PLCB4: variants seen among roughly 807,000 people sequenced by gnomAD.
PLCB4 encodes the protein 1-phosphatidylinositol 4,5-bisphosphate phosphodiesterase beta-4.
Under a neutral mutation model 178.8 loss-of-function variants are expected in PLCB4, and 77 were observed. That is an observed-to-expected ratio of 0.43 (90% CI 0.36 to 0.52). PLCB4 has a LOEUF of 0.52. Ranked by LOEUF, PLCB4 falls within the 20% of genes least tolerant of loss-of-function variation. PLCB4 has a pLI of 0.00. For missense variants in PLCB4, 1,024 were observed against 1,453.4 expected, an observed-to-expected ratio of 0.70 and a Z score of 4.80; for synonymous variants, 496 against 490.8, an observed-to-expected ratio of 1.01 and a Z score of -0.14.
chr20:9,241,344 T>G (rs2147414561), intron 3 of PLCB4, among the ~76,000 whole-genome samples: 1 of 152,026 alleles, frequency 6.6e-6, no homozygotes, highest in South Asian at 2.1e-4. Flanking sequence ...TCATTTTCTT[T>G]TATTCCTCTG....
At chr20:9,413,366 A>G (rs2039994858) in intron 25 of PLCB4, among the ~76,000 whole-genome samples, 1 of 150,012 alleles carries the variant, frequency 6.7e-6, no homozygotes, top group Non-Finnish European at 1.5e-5. Flanking sequence ...GAATCCCAGC[A>G]CTTTGGGAGG....
At chr20:9,148,673 C>G (rs1034060411) in intron 2 of PLCB4, among the ~76,000 whole-genome samples, 1 of 152,084 alleles carries the variant, frequency 6.6e-6, no homozygotes, top group African/African-American at 2.4e-5. Context: ...GAATAGCTGG[C>G]ACATTAACAC....
intron 2 of PLCB4, among the ~76,000 whole-genome samples, chr20:9,157,327 C>G (rs757411274): frequency 1.3e-5 from 2 of 151,952 alleles, no homozygotes; most frequent in African/African-American, 4.8e-5. Flanking sequence ...AACAAAAAGT[C>G]ATTTACTGTG....
chr20:9,226,724 C>T (rs933554431), intron 3 of PLCB4, among the ~76,000 whole-genome samples: 4 of 152,040 alleles, frequency 2.6e-5, no homozygotes. Flanking sequence ...CTTATTCCTC[C>T]TCTTCTGTGG....
At chr20:9,273,851 GA>G (rs2094428653) in intron 3 of PLCB4, among the ~76,000 whole-genome samples, 1 of 152,044 alleles carries the variant, frequency 6.6e-6, no homozygotes, top group African/African-American at 2.4e-5. Context: ...CAGGTAACAT[GA>G]TAAAACTTAC....
intron 38 of PLCB4, among the ~76,000 whole-genome samples, chr20:9,474,477 A>G (rs1480804512): frequency 6.6e-6 from 1 of 152,204 alleles, no homozygotes; most frequent in African/African-American, 2.4e-5. Context: ...TAGTTGGTAT[A>G]GAAGTTATTA....
chr20:9,308,664 T>C (rs540247740), intron 4 of PLCB4, among the ~76,000 whole-genome samples: 1 of 152,324 alleles, frequency 6.6e-6, no homozygotes, highest in African/African-American at 2.4e-5. Flanking sequence ...GCTAATTCGC[T>C]GATCTTCCCA....
At chr20:9,101,866 A>T (rs1261326155) in intron 2 of PLCB4, among the ~76,000 whole-genome samples, 4 of 142,108 alleles carry the variant, frequency 2.8e-5, no homozygotes, top group African/African-American at 5.2e-5. Flanking sequence ...TTTTTTTGAG[A>T]TGGAGTTTTG....
At chr20:9,192,129 A>G (rs190289772) in intron 2 of PLCB4, among the ~76,000 whole-genome samples, 14 of 152,116 alleles carry the variant, frequency 9.2e-5, no homozygotes, top group Non-Finnish European at 4.4e-5. Context: ...CAACAAGGTA[A>G]TTGCAGTCTT....
chr20:9,356,960 A>G (rs1426229828), intron 7 of PLCB4, among the ~76,000 whole-genome samples: 1 of 152,056 alleles, frequency 6.6e-6, no homozygotes, highest in Non-Finnish European at 1.5e-5. Context: ...TGCAAAAAAT[A>G]CCAAAATTGG....
At chr20:9,285,394 G>A (rs1373375102) in intron 3 of PLCB4, among the ~76,000 whole-genome samples, 1 of 151,654 alleles carries the variant, frequency 6.6e-6, no homozygotes, top group Non-Finnish European at 1.5e-5. Flanking sequence ...TACTTTCTGT[G>A]GCCTTTAGTA....
intron 32 of PLCB4, among the ~76,000 whole-genome samples, chr20:9,452,607 C>A (rs1374681760): frequency 2.0e-5 from 3 of 152,064 alleles, no homozygotes; most frequent in Non-Finnish European, 4.4e-5. Context: ...TTTTCATTGT[C>A]CAGGAAGAAA....
intron 2 of PLCB4, among the ~76,000 whole-genome samples, chr20:9,188,764 T>C (rs67505187): frequency 3.4e-4 from 41 of 121,568 alleles, no homozygotes; most frequent in East Asian, 7.7e-4. Flanking sequence ...GGCTGTCATA[T>C]AGTGACATTC....
intron 3 of PLCB4, among the ~76,000 whole-genome samples, chr20:9,263,542 TA>T (rs1257368838): frequency 6.6e-6 from 1 of 152,190 alleles, no homozygotes; most frequent in Non-Finnish European, 1.5e-5. Flanking sequence ...GATACCCTGA[TA>T]ATTGTAGAGC....
At chr20:9,345,883 G>A (rs1010690974) in intron 7 of PLCB4, among the ~76,000 whole-genome samples, 3 of 152,102 alleles carry the variant, frequency 2.0e-5, no homozygotes, top group Non-Finnish European at 2.9e-5. Context: ...AGTCAAAATT[G>A]CTTTGCTAAA....
chr20:9,141,754 G>A (rs558304357), intron 2 of PLCB4, among the ~76,000 whole-genome samples: 18 of 152,148 alleles, frequency 1.2e-4, no homozygotes, highest in African/African-American at 4.3e-4. Context: ...AGATAAGAAG[G>A]GAATAATAGG....
At chr20:9,393,790 G>C in intron 18 of PLCB4, 112 bp downstream of exon 18, 1 of 646,864 alleles carries the variant, frequency 1.5e-6, no homozygotes, top group East Asian at 2.8e-5. Context: ...GAAGGGTGTA[G>C]GGGTGATGTT....
chr20:9,332,985 T>G (rs951496364), intron 4 of PLCB4, among the ~76,000 whole-genome samples: 4 of 152,150 alleles, frequency 2.6e-5, no homozygotes, highest in Non-Finnish European at 5.9e-5. Context: ...GACTCCTGCC[T>G]TTAGGCAGAC....
chr20:9,452,882 G>C (rs2042848522), intron 32 of PLCB4, among the ~76,000 whole-genome samples: 2 of 152,204 alleles, frequency 1.3e-5, no homozygotes, highest in African/African-American at 4.8e-5. Flanking sequence ...ATGTGCAGGT[G>C]TTTAGAAACC....
Sources: allele counts gnomAD v4.1 joint callset (sites outside exome capture counted in the v4.1 genomes callset), GRCh38; gene constraint gnomAD v4.1.1; transcripts MANE v1.5; gene names NCBI Gene and HGNC (gene_info 2026-07-23, HGNC 2026-07-21).